SLC39A10: variants seen among roughly 807,000 people sequenced by gnomAD.
SLC39A10 encodes solute carrier family 39 member 10, also known as zinc transporter ZIP10.
SLC39A10 carries 13 observed loss-of-function variants against 65.1 expected under a neutral mutation model. That is an observed-to-expected ratio of 0.20 (90% confidence interval 0.13 to 0.32). The LOEUF is 0.32. Among genes scored for constraint, SLC39A10 ranks in the 10% least tolerant of loss-of-function variants. SLC39A10 has a pLI of 1.00. For missense variants in SLC39A10, 831 were observed against 1,018.4 expected (o/e 0.82, Z 2.50); for synonymous variants, 321 against 342.2 (o/e 0.94, Z 0.68).
chr2:195,723,566 G>A (rs552728501), intron 8 of SLC39A10, among the ~76,000 whole-genome samples: 3 of 152,160 alleles, frequency 2.0e-5, no homozygotes, highest in Admixed American at 6.5e-5. Context: ...AACTCCTGCC[G>A]GAATTCTGAG....
At position 195,627,445 on chromosome 2, in the gene SLC39A10, G is replaced by A. The variant is rs59611197; in HGVS notation, c.-12+21212G>A. 0.018 allele frequency among the ~76,000 whole-genome samples: 2,808 copies of A among 152,124 alleles called. 237 individuals are homozygous for A. The East Asian group carries it at 0.26, about 14-fold the overall frequency. On this transcript the variant is annotated intron_variant, in intron 2 of 2. Transcript: ENST00000458054. The stretch of plus-strand genomic sequence containing the variant: ...CAGGAGGGCTGGCGATGTGATTCGA[G>A]CCACACCAGCTTCCCACCATTAGCA...
At chr2:195,657,903 C>G (rs1689223015) in intron 1 of SLC39A10, among the ~76,000 whole-genome samples, 1 of 152,178 alleles carries the variant, frequency 6.6e-6, no homozygotes, top group Non-Finnish European at 1.5e-5. Context: ...CTAGTTTTCT[C>G]CCGGACCAAC....
At chr2:195,657,520 C>T (rs1689196724) in intron 1 of SLC39A10, 2 of 985,274 alleles carry the variant, frequency 2.0e-6, no homozygotes, top group Non-Finnish European at 2.4e-6. Flanking sequence ...TCCTCGTGTG[C>T]GGTCTGGGCT....
intron 3 of SLC39A10, among the ~76,000 whole-genome samples, chr2:195,687,511 G>A (rs1352510074): frequency 6.6e-6 from 1 of 152,178 alleles, no homozygotes; most frequent in Non-Finnish European, 1.5e-5. Context: ...AGCCTTAGAG[G>A]AAATTGTACT....
At chr2:195,725,764 T>C (rs190442293) in intron 8 of SLC39A10, among the ~76,000 whole-genome samples, 14 of 152,284 alleles carry the variant, frequency 9.2e-5, no homozygotes, top group African/African-American at 3.4e-4. Flanking sequence ...CTATGGAATA[T>C]TACTGAGCAA....
chr2:195,696,454 A>G (rs554268365), intron 3 of SLC39A10, among the ~76,000 whole-genome samples: 5 of 152,286 alleles, frequency 3.3e-5, no homozygotes, highest in South Asian at 2.1e-4. Context: ...TGCAGATTCA[A>G]CCAACCCAAG....
intron 9 of SLC39A10, among the ~76,000 whole-genome samples, chr2:195,732,222 A>G (rs1244482512): frequency 1.3e-5 from 2 of 152,202 alleles, no homozygotes; most frequent in Non-Finnish European, 2.9e-5. Context: ...GTAGAATGAC[A>G]TGATCACATT....
intron 6 of SLC39A10, among the ~76,000 whole-genome samples, chr2:195,715,945 A>G (rs980901245): frequency 3.3e-5 from 5 of 152,218 alleles, no homozygotes; most frequent in African/African-American, 1.2e-4. Context: ...CTGAGAAGGA[A>G]TATTTTGGTG....
chr2:195,661,580 CACAT>C lies in SLC39A10; in HGVS notation c.-12+4303_-12+4306del, dbSNP rs1689400264. The stretch of plus-strand genomic sequence containing the variant: ...TTTCCAAATTAACTGCTTAGGAGAC[CACAT>C]ACAATGTTCAGACATGTTAAAACAG... On this transcript the variant is annotated intron_variant, in intron 1 of 9. Transcript: ENST00000359634. Among the ~76,000 whole-genome samples the C allele has an allele frequency of 2.0e-5, 3 of 152,120 alleles. No individual in the cohort carries two copies. In the South Asian group the frequency reaches 6.2e-4, roughly 32 times the overall value.
chr2:195,627,005 C>A (rs144246595), intron 2 of SLC39A10, among the ~76,000 whole-genome samples: 1 of 152,172 alleles, frequency 6.6e-6, no homozygotes, highest in Admixed American at 6.5e-5. Context: ...AAGCATTAAT[C>A]TGTATTTCTG....
In SLC39A10 at chr2:195,728,170, GTTC is replaced by G. The variant is rs758914406; in HGVS notation, c.2164_2166del (p.Leu722del). ...TTTCTTAATTGCAGGAGATTTTGCA[GTTC>G]TTCTTAAAGCAGGCATGACTGTAAA... On this transcript the variant is annotated inframe_deletion, in exon 9 of 10. Coordinates refer to ENST00000359634, the MANE Select transcript of SLC39A10 (RefSeq NM_020342.3). This position sits in a 1 kb window ranked among gnomAD's most constrained non-coding sequence, Gnocchi z 4.4. 1.9e-6 allele frequency: 3 copies of G among 1,608,550 alleles called. No individual in the cohort carries two copies. Among genetic ancestry groups the G allele is most frequent in the South Asian group, 2.2e-5 (2 of 90,446 alleles).
chr2:195,624,330 T>G (rs1487020013), intron 2 of SLC39A10, among the ~76,000 whole-genome samples: 1 of 139,336 alleles, frequency 7.2e-6, no homozygotes, highest in Non-Finnish European at 1.5e-5. Context: ...GAGGTTACCG[T>G]GAGCCGAAAT....
chr2:195,706,829 A>G (rs1691415404), intron 4 of SLC39A10, 44 bp downstream of exon 4: 1 of 1,368,354 alleles, frequency 7.3e-7, no homozygotes, highest in South Asian at 1.8e-5. Context: ...AAATAAAAAT[A>G]TTTAAGCTGA....
chr2:195,641,270 G>T (rs888959371), intron 2 of SLC39A10, among the ~76,000 whole-genome samples: 3 of 152,146 alleles, frequency 2.0e-5, no homozygotes, highest in African/African-American at 7.2e-5. Context: ...TAATCAGAGG[G>T]TGCAAGGGGA....
intron 2 of SLC39A10, among the ~76,000 whole-genome samples, chr2:195,618,367 AAGAG>A (rs1305140930): frequency 1.3e-5 from 2 of 152,004 alleles, no homozygotes; most frequent in Non-Finnish European, 2.9e-5. Context: ...AAAAAAAAAA[AAGAG>A]AGAGAAAAAG....
intron 5 of SLC39A10, among the ~76,000 whole-genome samples, chr2:195,712,290 C>A (rs1691625794): frequency 6.6e-6 from 1 of 152,242 alleles, no homozygotes; most frequent in South Asian, 2.1e-4. Context: ...AGCATCACTT[C>A]TCCTGCATTC....
intron 1 of SLC39A10, among the ~76,000 whole-genome samples, chr2:195,672,787 G>A (rs1456139122): frequency 6.6e-6 from 1 of 152,148 alleles, no homozygotes. Flanking sequence ...TCATTTGACA[G>A]TGAGATAACA....
chr2:195,677,542 AC>A (rs1690139749), intron 1 of SLC39A10, among the ~76,000 whole-genome samples: 1 of 115,740 alleles, frequency 8.6e-6, no homozygotes, highest in South Asian at 2.7e-4. Flanking sequence ...TCAAAAACAA[AC>A]AAAAAAAAAT....
rs558323802 is a variant in SLC39A10 at position 195,657,317 on chromosome 2, C to T, written c.-12+36C>T. Reference sequence around the variant, plus strand: ...AACCCCGATTTGTTTACATTCCCTCCCCCAGAACCGGCCCCGTGCGCGGCG... The same window carrying T: ...AACCCCGATTTGTTTACATTCCCTCTCCCAGAACCGGCCCCGTGCGCGGCG... On this transcript the variant is annotated intron_variant, in intron 1 of 9. Transcript: ENST00000359634. 1.1e-5 allele frequency: 10 copies of T among 908,540 alleles called. No individual in the cohort carries two copies. In the South Asian group the frequency reaches 2.0e-4, roughly 18 times the overall value. The allele number at this position is 908,540 out of a possible 1,614,324, so 56.3% of individuals were successfully genotyped here. A position where few individuals can be genotyped will look rare whatever the true frequency, so the allele number is the denominator to read the frequency against.
Sources: gnomAD v4.1 joint callset for allele counts (sites outside exome capture counted in the v4.1 genomes callset) on GRCh38, gnomAD v4.1.1 for gene constraint, Gnocchi (gnomAD v3.1) non-coding constraint, MANE v1.5 for transcripts, NCBI Gene and HGNC (gene_info 2026-07-23, HGNC 2026-07-21) for gene names.